Variants in LRRC36 observed in about 807,000 individuals in gnomAD.
The protein encoded by LRRC36 is leucine rich repeat containing 36.
In LRRC36, 62 loss-of-function variants were observed where a neutral mutation model predicts 81.1. That is an observed-to-expected ratio of 0.76 (90% CI 0.62 to 0.94). The LOEUF (loss-of-function observed/expected upper bound fraction) is 0.94. LRRC36 is among the 40% of genes least tolerant of loss of function. LRRC36 has a pLI of 0.00. For synonymous variants in LRRC36, 334 were observed against 348.6 expected (o/e 0.96, Z 0.47); for missense variants, 761 against 881.7 (o/e 0.86, Z 1.73).
At chr16:67,376,256 C>T (rs2039888264) in intron 10 of LRRC36, among the ~76,000 whole-genome samples, 1 of 151,902 alleles carries the variant, frequency 6.6e-6, no homozygotes, top group African/African-American at 2.4e-5. Flanking sequence ...TGCAGTGATC[C>T]GAGATCACAC....
rs2038105635 is a variant in LRRC36, at chr16:67,341,955, A to G, written c.71-2A>G. 1 of 1,606,942 alleles carries G rather than the reference A, an allele frequency of 6.2e-7. No individual in the cohort carries two copies. Among genetic ancestry groups the G allele is most frequent in the Admixed American group, 1.7e-5 (1 of 59,294 alleles). On this transcript the variant is annotated splice_acceptor_variant, in intron 1 of 13. Coordinates refer to ENST00000329956, the MANE Select transcript of LRRC36 (RefSeq NM_018296.6). LOFTEE classifies it high-confidence loss of function. ...ATATATCTACTGATGATCTCTTTTC[A>G]GAACTGGTGGAGTCTCTTTCATTGC... is the stretch of plus-strand genomic sequence containing the variant.
intron 7 of LRRC36, among the ~76,000 whole-genome samples, chr16:67,366,516 G>A (rs1467815818): frequency 1.3e-5 from 2 of 152,064 alleles, no homozygotes; most frequent in Non-Finnish European, 2.9e-5. Context: ...TTGGGAGGCC[G>A]AGGCGGGTGG....
At position 67,331,069 on chromosome 16, in the gene LRRC36, A is replaced by AAGAGAGAGAGAGAGAGAGAGAG. The variant is rs71145966; in HGVS notation, c.70+4161_70+4182dup. On this transcript the variant is annotated intron_variant, in intron 1 of 13. Coordinates refer to ENST00000329956, the MANE Select transcript of LRRC36 (RefSeq NM_018296.6). The stretch of plus-strand genomic sequence containing the variant: ...GTGCATGTGTGAGATGTGAGAGAGA[A>AAGAGAGAGAGAGAGAGAGAGAG]AGAGAGAGAGAGAGAGAGAGAGAGA... 1.5e-3 allele frequency among the ~76,000 whole-genome samples: 179 copies of AAGAGAGAGAGAGAGAGAGAGAG among 118,628 alleles called. 1 individual carries two copies. Among genetic ancestry groups the AAGAGAGAGAGAGAGAGAGAGAG allele is most frequent in the African/African-American group, 6.0e-3 (167 of 27,966 alleles). The allele number at this position is 118,628 out of a possible 152,430, so 77.8% of individuals were successfully genotyped here. A position where few individuals can be genotyped will look rare whatever the true frequency, so the allele number is the denominator to read the frequency against.
At chr16:67,335,714 C>T (rs538021786) in intron 1 of LRRC36, among the ~76,000 whole-genome samples, 13 of 152,004 alleles carry the variant, frequency 8.6e-5, no homozygotes, top group South Asian at 2.1e-4. Flanking sequence ...CCTGACTTCC[C>T]GCAACAGACA....
chr16:67,378,424 G>C (rs1453139963), intron 11 of LRRC36, among the ~76,000 whole-genome samples, 165 bp from the exon 12 acceptor site: 1 of 151,884 alleles, frequency 6.6e-6, no homozygotes, highest in Non-Finnish European at 1.5e-5. Context: ...TATTTTAGTA[G>C]AGACGGGGTT....
chr16:67,381,232 A>C (rs1597510562), intron 12 of LRRC36, among the ~76,000 whole-genome samples: 2 of 123,150 alleles, frequency 1.6e-5, no homozygotes, highest in African/African-American at 1.0e-4. Flanking sequence ...CTGCCTCAGA[A>C]AAAAAAAAAA....
chr16:67,373,758 A>T (rs1046202794), intron 9 of LRRC36, among the ~76,000 whole-genome samples: 1 of 149,646 alleles, frequency 6.7e-6, no homozygotes, highest in African/African-American at 2.5e-5. Context: ...CATGCCTGTA[A>T]TCCCAGCACT....
chr16:67,368,761 G>GT (rs1171305453), intron 8 of LRRC36, among the ~76,000 whole-genome samples: 1 of 152,176 alleles, frequency 6.6e-6, no homozygotes, highest in African/African-American at 2.4e-5. Flanking sequence ...TGGAATCAGC[G>GT]TAACAGATGA....
rs1696804917 is a variant in LRRC36 at position 67,363,605 on chromosome 16, T to A, written c.593T>A (p.Leu198His). 1 of 1,613,832 alleles carries A rather than the reference T, an allele frequency of 6.2e-7. No individual in the cohort carries two copies. Among genetic ancestry groups the A allele is most frequent in the Non-Finnish European group, 8.5e-7 (1 of 1,179,844 alleles). ...TTTAACACAGACTCAAACAAAGGAC[T>A]TTTTATTCCCTTCCCCAACCGGGAA... Reference protein sequence around the residue: ...SRIEMDSNKGLFIPFPNREIK... With the variant: ...SRIEMDSNKGHFIPFPNREIK... Residue 198 changes from leucine to histidine, a missense_variant, in exon 6 of 14, where the codon CTT (leucine) becomes CAT (histidine). Physicochemically the swap from Leu to His is moderately conservative, Grantham distance 99 (BLOSUM62 -3). This residue lies in a region of LRRC36 where 263 missense variants were observed against 279.3 expected (regional missense o/e 0.94). Transcript: ENST00000329956.
chr16:67,382,543 A>T (rs2040152007), intron 13 of LRRC36, among the ~76,000 whole-genome samples: 3 of 152,188 alleles, frequency 2.0e-5, no homozygotes, highest in Admixed American at 6.5e-5. Flanking sequence ...GGAGGTCAGT[A>T]CATACCCCTA....
intron 7 of LRRC36, 34 bp from the exon 8 acceptor site, chr16:67,366,983 T>C (rs1290847297): frequency 2.0e-6 from 3 of 1,529,172 alleles, no homozygotes; most frequent in East Asian, 2.3e-5. Context: ...AGAATTCTTA[T>C]CATGTTTTGT....
At chr16:67,359,068 T>C (rs773342596) in intron 5 of LRRC36, among the ~76,000 whole-genome samples, 1 of 152,220 alleles carries the variant, frequency 6.6e-6, no homozygotes, top group Non-Finnish European at 1.5e-5. Flanking sequence ...TATGCATCGC[T>C]GGTAGGAAAG....
At chr16:67,383,071 C>CAAAAAAA (rs59297593) in intron 13 of LRRC36, among the ~76,000 whole-genome samples, 1 of 44,386 alleles carries the variant, frequency 2.3e-5, no homozygotes, top group Admixed American at 2.8e-4. Context: ...GGCTCCGTCT[C>CAAAAAAA]AAAAAAAAAA....
intron 6 of LRRC36, among the ~76,000 whole-genome samples, chr16:67,364,437 CA>C (rs1289480818): frequency 6.6e-6 from 1 of 152,168 alleles, no homozygotes; most frequent in Non-Finnish European, 1.5e-5. Flanking sequence ...AGAAAAGCAG[CA>C]AAGGCTCTGA....
At chr16:67,327,167 G>T in intron 1 of LRRC36, 1 of 448,674 alleles carries the variant, frequency 2.2e-6, no homozygotes, top group South Asian at 4.8e-5. Flanking sequence ...AGAGAGAAGA[G>T]GGGAGTGTGA....
rs751307676 is a variant in LRRC36 at position 67,375,232 on chromosome 16, T to G, written c.1495-15T>G. 3 of 1,608,388 alleles carry G rather than the reference T, an allele frequency of 1.9e-6. No homozygotes were observed. In the Admixed American group the frequency reaches 5.0e-5, roughly 27 times the overall value. On this transcript the variant is annotated splice_polypyrimidine_tract_variant and intron_variant, in intron 9 of 13. Coordinates refer to ENST00000329956, the MANE Select transcript of LRRC36 (RefSeq NM_018296.6). Reference sequence around the variant, plus strand: ...TTTTTTGTTTGTTTGTTTTTGCTTTTTTTTTTCTCTTGAGCCTCTCTCTAG... The same window carrying G: ...TTTTTTGTTTGTTTGTTTTTGCTTTGTTTTTTCTCTTGAGCCTCTCTCTAG...
chr16:67,370,508 G>T (rs2039587148), intron 8 of LRRC36, among the ~76,000 whole-genome samples: 1 of 151,846 alleles, frequency 6.6e-6, no homozygotes, highest in Non-Finnish European at 1.5e-5. Context: ...TGGGCATGGT[G>T]GGTAGACCCA....
chr16:67,368,114 T>G (rs1310730871), intron 8 of LRRC36, among the ~76,000 whole-genome samples: 2 of 152,210 alleles, frequency 1.3e-5, no homozygotes, highest in East Asian at 3.8e-4. Context: ...TTCTGTTACT[T>G]ATTTATTCAA....
chr16:67,342,712 T>C (rs1040916726), intron 2 of LRRC36, among the ~76,000 whole-genome samples: 2 of 152,204 alleles, frequency 1.3e-5, no homozygotes, highest in African/African-American at 4.8e-5. Context: ...GTTTTCTTTG[T>C]GGTAGACCCC....
Sources: allele counts gnomAD v4.1 joint callset (sites outside exome capture counted in the v4.1 genomes callset), GRCh38; gene constraint gnomAD v4.1.1; regional missense constraint gnomAD v4.1.1; transcripts MANE v1.5; gene names NCBI Gene and HGNC (gene_info 2026-07-23, HGNC 2026-07-21).